Variants in ABCA13 observed in about 807,000 individuals in gnomAD.
ABCA13 encodes ATP-binding cassette sub-family A member 13.
Under a neutral mutation model 478.7 loss-of-function variants are expected in ABCA13, and 476 were observed. The observed-to-expected ratio is 0.99, with a 90% CI of 0.92 to 1.07. ABCA13 has a LOEUF of 1.07. ABCA13 is among the 50% of genes least tolerant of loss of function. The pLI is 0.00. For missense variants in ABCA13, 6,060 were observed against 5,910.6 expected, an observed-to-expected ratio of 1.03 and a Z score of -0.83; for synonymous variants, 2,252 against 2,158.9, an observed-to-expected ratio of 1.04 and a Z score of -1.20.
chr7:48,373,898 C>T (rs1813047372), intron 33 of ABCA13, among the ~76,000 whole-genome samples: 2 of 152,126 alleles, frequency 1.3e-5, no homozygotes, highest in Non-Finnish European at 2.9e-5. Context: ...CATAAGACTT[C>T]TCCACTGAGA....
chr7:48,473,790 C>T (rs1055500410), intron 45 of ABCA13, among the ~76,000 whole-genome samples: 6 of 152,210 alleles, frequency 3.9e-5, no homozygotes, highest in African/African-American at 1.4e-4. Flanking sequence ...TCACATTCCT[C>T]AGATAAAAAG....
chr7:48,256,141 T>G (rs564421034), intron 15 of ABCA13, among the ~76,000 whole-genome samples: 6 of 152,298 alleles, frequency 3.9e-5, no homozygotes, highest in African/African-American at 1.4e-4. Context: ...TACTTTTTAA[T>G]GGGGTTGTTT....
chr7:48,300,015 G>C (rs967065827), intron 23 of ABCA13, among the ~76,000 whole-genome samples: 1 of 152,182 alleles, frequency 6.6e-6, no homozygotes, highest in African/African-American at 2.4e-5. Flanking sequence ...TTGCTTTGAT[G>C]GTTAAGTATA....
At chr7:48,348,460 T>G (rs182071698) in intron 29 of ABCA13, among the ~76,000 whole-genome samples, 21 of 152,356 alleles carry the variant, frequency 1.4e-4, no homozygotes, top group Middle Eastern at 3.4e-3. Flanking sequence ...GTTTCTGCTA[T>G]TGACGCCATT....
intron 55 of ABCA13, among the ~76,000 whole-genome samples, chr7:48,548,010 G>A (rs1469979316): frequency 6.6e-6 from 1 of 151,858 alleles, no homozygotes; most frequent in Non-Finnish European, 1.5e-5. Context: ...ACTACCTGTG[G>A]TGTGGCTTCT....
intron 39 of ABCA13, among the ~76,000 whole-genome samples, chr7:48,406,978 T>A (rs1818350252): frequency 6.6e-6 from 1 of 152,134 alleles, no homozygotes; most frequent in Non-Finnish European, 1.5e-5. Context: ...CACTAAAAAG[T>A]CATCAAGGGT....
At position 48,577,535 on chromosome 7, in the gene ABCA13, G is replaced by A. The variant is rs550491414; in HGVS notation, c.14355-2689G>A. 3.9e-5 allele frequency among the ~76,000 whole-genome samples: 6 copies of A among 152,094 alleles called. No homozygotes were observed. In the East Asian group the frequency reaches 1.2e-3, roughly 29 times the overall value. The stretch of plus-strand genomic sequence containing the variant: ...CACAATTTACCCAAACACATACAAG[G>A]AGAAATAGACAATCCAAATAGGTAT... On this transcript the variant is annotated intron_variant, in intron 55 of 61. Coordinates refer to ENST00000435803, the MANE Select transcript of ABCA13 (RefSeq NM_152701.5).
chr7:48,239,107 G>C, intron 8 of ABCA13, 134 bp from the exon 9 acceptor site: 1 of 881,002 alleles, frequency 1.1e-6, no homozygotes, highest in Non-Finnish European at 1.7e-6. Context: ...AAATCACATA[G>C]ATATCATCAC....
chr7:48,379,285 A>T (rs1482322802), intron 35 of ABCA13, among the ~76,000 whole-genome samples: 1 of 152,216 alleles, frequency 6.6e-6, no homozygotes, highest in African/African-American at 2.4e-5. Flanking sequence ...AACAAAGAAT[A>T]TAATTGCCAG....
rs1386206496 is a variant in ABCA13 at position 48,273,425 on chromosome 7, G to C, written c.3759G>C (p.Val1253=). The C allele has an allele frequency of 6.2e-7, 1 of 1,613,282 alleles. No individual in the cohort carries two copies. Among genetic ancestry groups the C allele is most frequent in the African/African-American group, 1.3e-5 (1 of 75,012 alleles). ...TAAAAAAACTTAACTTGGAGCAAGT[G>C]GAGAAATCCCTTTTCACCATGGAAG... The part of the protein sequence containing the change: ...VSVKKLNLEQ[V]EKSLFTMEAA... The change falls in exon 17 of 62, where the codon GTG becomes GTC. Residue 1253 remains valine (V), a synonymous_variant. Coordinates refer to ENST00000435803, the MANE Select transcript of ABCA13 (RefSeq NM_152701.5).
At chr7:48,362,893 A>G (rs984946412) in intron 31 of ABCA13, among the ~76,000 whole-genome samples, 4 of 152,148 alleles carry the variant, frequency 2.6e-5, no homozygotes, top group Non-Finnish European at 5.9e-5. Flanking sequence ...ATTTTAAAAA[A>G]TAGTATTTGA....
At chr7:48,633,516 G>C (rs1794345189) in intron 59 of ABCA13, among the ~76,000 whole-genome samples, 1 of 151,978 alleles carries the variant, frequency 6.6e-6, no homozygotes, top group Admixed American at 6.6e-5. Context: ...TCAACCACAT[G>C]CTCAGCCATA....
intron 42 of ABCA13, among the ~76,000 whole-genome samples, chr7:48,428,161 A>G (rs896201377): frequency 6.6e-6 from 1 of 152,158 alleles, no homozygotes; most frequent in Non-Finnish European, 1.5e-5. Flanking sequence ...AATGACCATC[A>G]TTCATCTTAT....
At chr7:48,549,909 G>T (rs1785155324) in intron 55 of ABCA13, among the ~76,000 whole-genome samples, 1 of 151,814 alleles carries the variant, frequency 6.6e-6, no homozygotes, top group African/African-American at 2.4e-5. Flanking sequence ...TGATGGGATT[G>T]TTTGTTTCTT....
At position 48,403,765 on chromosome 7, in the gene ABCA13, CT is replaced by C. The variant is rs759402479; in HGVS notation, c.11958del (p.Gly3987AlafsTer54). ...LSGGLKRKLS[L>X]GIAFMGMSRT... is the part of the protein sequence containing the mutation. ...TGGAGGCCTGAAGAGGAAGCTCTCC[CT>C]TGGCATTGCTTTCATGGGCATGTCG... On this transcript the variant is annotated frameshift_variant, in exon 39 of 62. Coordinates refer to ENST00000435803, the MANE Select transcript of ABCA13 (RefSeq NM_152701.5). LOFTEE classifies it high-confidence loss of function. The C allele has an allele frequency of 8.1e-6, 13 of 1,613,886 alleles. No homozygotes were observed. In the Admixed American group the frequency reaches 2.2e-4, roughly 27 times the overall value.
intron 59 of ABCA13, among the ~76,000 whole-genome samples, chr7:48,636,043 A>G (rs1428135100): frequency 6.6e-6 from 1 of 152,132 alleles, no homozygotes; most frequent in African/African-American, 2.4e-5. Flanking sequence ...CTGCACCTAA[A>G]GTGACTGTGC....
intron 20 of ABCA13, among the ~76,000 whole-genome samples, chr7:48,290,227 C>T (rs2128809627): frequency 6.6e-6 from 1 of 152,314 alleles, no homozygotes; most frequent in Non-Finnish European, 1.5e-5. Flanking sequence ...CAAGTGCCCA[C>T]TGTATTTCCT....
At chr7:48,525,670 C>CTTTTTTTTTTTTTTTTTTTTTTTT (rs538127881) in intron 54 of ABCA13, among the ~76,000 whole-genome samples, 5 of 68,304 alleles carry the variant, frequency 7.3e-5, no homozygotes, top group Non-Finnish European at 1.1e-4. Context: ...TTTAGATGCG[C>CTTTTTTTTTTTTTTTTTTTTTTTT]TTTTTTTTTT....
At chr7:48,627,152 C>T (rs2131619079) in intron 59 of ABCA13, 3 of 693,598 alleles carry the variant, frequency 4.3e-6, no homozygotes, top group East Asian at 1.3e-4. Flanking sequence ...TTATTGTACC[C>T]ACTTCACAAT....
Sources: gnomAD v4.1 joint callset for allele counts (sites outside exome capture counted in the v4.1 genomes callset) on GRCh38, gnomAD v4.1.1 for gene constraint, MANE v1.5 for transcripts, NCBI Gene and HGNC (gene_info 2026-07-23, HGNC 2026-07-21) for gene names.